Variants in ICAM1 observed in about 807,000 individuals in gnomAD.
The protein encoded by ICAM1 is intercellular adhesion molecule 1, also known as ICAM-1.
A neutral mutation model predicts 42.3 loss-of-function variants in ICAM1; 28 were observed. That is an observed-to-expected ratio of 0.66 (90% confidence interval 0.49 to 0.91). The LOEUF (loss-of-function observed/expected upper bound fraction) is 0.91, where lower values mean the gene tolerates loss of function less well. Among genes scored for constraint, ICAM1 ranks in the 40% least tolerant of loss-of-function variants. The pLI, the probability that ICAM1 is intolerant of heterozygous loss-of-function variation, is 0.00. For missense variants in ICAM1, 637 were observed against 688.6 expected (o/e 0.93, Z 0.84); for synonymous variants, 304 against 305.9 (o/e 0.99, Z 0.07).
At chr19:10,282,114 C>G (rs5030398) in intron 2 of ICAM1, 7,424 of 150,530 alleles carry the variant, frequency 0.049, 230 homozygotes, top group African/African-American at 0.079. Flanking sequence ...CTTTCCCAGG[C>G]TAAAGTACAG....
At chr19:10,282,697 T>G (rs185380354) in intron 2 of ICAM1, among the ~76,000 whole-genome samples, 2,118 of 145,966 alleles carry the variant, frequency 0.015, 39 homozygotes, top group East Asian at 0.098. Flanking sequence ...CAGGTTTTTT[T>G]TTTTGTTTTG....
In ICAM1 at chr19:10,273,970, C is replaced by T. The variant is rs5030349; in HGVS notation, c.68-795C>T. Among the ~76,000 whole-genome samples the T allele has an allele frequency of 7.2e-3, 1,097 of 151,612 alleles. 8 individuals are homozygous for T. Among genetic ancestry groups the T allele is most frequent in the African/African-American group, 0.013 (528 of 41,308 alleles). ...CAAAGGTTGCAGTGAGCTGAGATTG[C>T]GCCACTGCACTCCAGTCTGAGTGAC... On this transcript the variant is annotated intron_variant, in intron 1 of 6. Coordinates refer to ENST00000264832, the MANE Select transcript of ICAM1 (RefSeq NM_000201.3).
chr19:10,275,445 G>A (rs2040009411), intron 2 of ICAM1, among the ~76,000 whole-genome samples: 1 of 152,020 alleles, frequency 6.6e-6, no homozygotes, highest in African/African-American at 2.4e-5. Flanking sequence ...GCAGTGAGCC[G>A]CGATCGTGCC....
rs2040090578 is a variant in ICAM1 at position 10,284,821 on chromosome 19, T to C, written c.1219T>C (p.Trp407Arg). 7.5e-6 allele frequency: 12 copies of C among 1,598,632 alleles called. No individual in the cohort carries two copies. The highest frequency in any genetic ancestry group is 6.7e-5 in the East Asian group (3 of 44,850). Residue 407 changes from tryptophan (W) to arginine (R), a missense_variant, in exon 6 of 7, where the codon TGG becomes CGG. By Grantham distance (101) the Trp-to-Arg change is moderately radical. Coordinates refer to ENST00000264832, the MANE Select transcript of ICAM1 (RefSeq NM_000201.3). The surrounding 1 kb of genome is among the most constrained non-coding windows in gnomAD (Gnocchi z 5.4). Reference protein sequence around the residue: ...RLDERDCPGNWTWPENSQQTP... With the variant: ...RLDERDCPGNRTWPENSQQTP... Reference sequence around the variant, plus strand: ...GGACGAGAGGGATTGTCCGGGAAACTGGACGTGGCCAGAAAATTCCCAGCA... The same window carrying C: ...GGACGAGAGGGATTGTCCGGGAAACCGGACGTGGCCAGAAAATTCCCAGCA...
At chr19:10,281,691 A>C (rs1277174438) in intron 2 of ICAM1, among the ~76,000 whole-genome samples, 2 of 149,326 alleles carry the variant, frequency 1.3e-5, no homozygotes, top group Admixed American at 1.3e-4. Context: ...AAGGCTGGGT[A>C]TCAAATGCAG....
In ICAM1 at chr19:10,284,307, A is replaced by G. The variant is rs141801732; in HGVS notation, c.912A>G (p.Thr304=). 3 of 1,613,502 alleles carry G rather than the reference A, an allele frequency of 1.9e-6. No homozygotes were observed. Among genetic ancestry groups the G allele is most frequent in the African/African-American group, 2.7e-5 (2 of 74,930 alleles). Residue 304 remains threonine (T), a synonymous_variant, in exon 4 of 7, where the codon ACA becomes ACG. Coordinates refer to ENST00000264832, the MANE Select transcript of ICAM1 (RefSeq NM_000201.3). This position sits in a 1 kb window ranked among gnomAD's most constrained non-coding sequence, Gnocchi z 5.4. ...LGNQSQETLQ[T]VTIYSFPAPN... is the part of the protein sequence containing the mutation. The stretch of plus-strand genomic sequence containing the variant: ...ACCAGAGCCAGGAGACACTGCAGAC[A>G]GTGACCATCTACAGTAAGAAGGGGC...
chr19:10,283,666 G>A lies in ICAM1; in HGVS notation c.517G>A (p.Val173Met), dbSNP rs924525389. ...VGEPAEVTTT[V>M]LVRRDHHGAN... is the part of the protein sequence containing the mutation. ...GGAGCCCGCTGAGGTCACGACCACG[G>A]TGCTGGTGAGGAGAGATCACCATGG... The change falls in exon 3 of 7, where the codon GTG becomes ATG. Residue 173 changes from valine (V) to methionine (M), a missense_variant. Physicochemically the swap from Val to Met is conservative, Grantham distance 21 (BLOSUM62 1). Coordinates refer to ENST00000264832, the MANE Select transcript of ICAM1 (RefSeq NM_000201.3). 10 of 1,613,996 alleles carry A rather than the reference G, an allele frequency of 6.2e-6. No individual in the cohort carries two copies. Among genetic ancestry groups the A allele is most frequent in the Admixed American group, 3.3e-5 (2 of 59,992 alleles).
In ICAM1 at chr19:10,284,253, G is replaced by T. The variant is rs756098611; in HGVS notation, c.858G>T (p.Gln286His). The T allele has an allele frequency of 1.2e-6, 2 of 1,613,994 alleles. No individual in the cohort carries two copies. Among genetic ancestry groups the T allele is most frequent in the Admixed American group, 3.3e-5 (2 of 60,026 alleles). The change falls in exon 4 of 7, where the codon CAG becomes CAT. Residue 286 changes from glutamine to histidine, a missense_variant. Transcript: ENST00000264832. This position sits in a 1 kb window ranked among gnomAD's most constrained non-coding sequence, Gnocchi z 5.4. ...TGACCGCAGAGGACGAGGGCACCCA[G>T]CGGCTGACGTGTGCAGTAATACTGG... ...VSVTAEDEGT[Q>H]RLTCAVILGN...
chr19:10,280,161 G>C (rs1326930355), intron 2 of ICAM1, among the ~76,000 whole-genome samples: 1 of 152,160 alleles, frequency 6.6e-6, no homozygotes, highest in Non-Finnish European at 1.5e-5. Context: ...TGCAGGTCAG[G>C]GTCAAGAAGA....
intron 1 of ICAM1, among the ~76,000 whole-genome samples, chr19:10,271,498 C>T (rs2039980407): frequency 6.6e-6 from 1 of 152,106 alleles, no homozygotes; most frequent in South Asian, 2.1e-4. Flanking sequence ...CGGTCTTGAA[C>T]TCCGGGGGTC....
intron 2 of ICAM1, among the ~76,000 whole-genome samples, chr19:10,281,496 A>G (rs983829315): frequency 6.6e-6 from 1 of 152,076 alleles, no homozygotes; most frequent in Non-Finnish European, 1.5e-5. Context: ...TGACTTCTGT[A>G]CAAACAACCA....
chr19:10,284,816 G>C lies in ICAM1; in HGVS notation c.1214G>C (p.Gly405Ala), dbSNP rs757120819. Residue 405 changes from glycine to alanine, a missense_variant, in exon 6 of 7, where the codon GGA (glycine) becomes GCA (alanine). By Grantham distance (60) the Gly-to-Ala change is moderately conservative. Coordinates refer to ENST00000264832, the MANE Select transcript of ICAM1 (RefSeq NM_000201.3). This position sits in a 1 kb window ranked among gnomAD's most constrained non-coding sequence, Gnocchi z 5.4. Reference protein sequence around the residue: ...GPRLDERDCPGNWTWPENSQQ... With the variant: ...GPRLDERDCPANWTWPENSQQ... ...CGACTGGACGAGAGGGATTGTCCGG[G>C]AAACTGGACGTGGCCAGAAAATTCC... 2 of 1,600,662 alleles carry C rather than the reference G, an allele frequency of 1.2e-6. No homozygotes were observed. Among genetic ancestry groups the C allele is most frequent in the East Asian group, 4.5e-5 (2 of 44,852 alleles).
At chr19:10,278,346 A>G (rs1448160020) in intron 2 of ICAM1, among the ~76,000 whole-genome samples, 1 of 152,050 alleles carries the variant, frequency 6.6e-6, no homozygotes, top group Non-Finnish European at 1.5e-5. Context: ...GTGAGTGACA[A>G]AGGATGTTCT....
chr19:10,276,747 G>T (rs1256187635), intron 2 of ICAM1, among the ~76,000 whole-genome samples: 1 of 151,628 alleles, frequency 6.6e-6, no homozygotes, highest in African/African-American at 2.4e-5. Flanking sequence ...TGAGGGAGGC[G>T]GATCACTTGA....
chr19:10,282,683 C>T (rs1389924648), intron 2 of ICAM1, among the ~76,000 whole-genome samples: 1 of 146,032 alleles, frequency 6.8e-6, no homozygotes, highest in Non-Finnish European at 1.5e-5. Context: ...TCACACCTGG[C>T]CAACAGGTTT....
At chr19:10,282,600 T>G (rs1428043675) in intron 2 of ICAM1, among the ~76,000 whole-genome samples, 1 of 151,734 alleles carries the variant, frequency 6.6e-6, no homozygotes, top group East Asian at 1.9e-4. Context: ...TGCCCAGGCT[T>G]GTCTTGAACT....
Position 10,284,410 on chromosome 19 carries a change from G to A in ICAM1, c.933G>A (p.Pro311=), listed in dbSNP as rs146954887. 83 of 1,613,102 alleles carry A rather than the reference G, an allele frequency of 5.1e-5. No homozygotes were observed. Among genetic ancestry groups the A allele is most frequent in the South Asian group, 9.9e-5 (9 of 91,084 alleles). ...TLQTVTIYSF[P]APNVILTKPE... is the part of the protein sequence containing the mutation. Reference sequence around the variant, plus strand: ...ACTGTGTGCCTATTCCAGGCTTTCCGGCGCCCAACGTGATTCTGACGAAGC... The same window carrying A: ...ACTGTGTGCCTATTCCAGGCTTTCCAGCGCCCAACGTGATTCTGACGAAGC... The change falls in exon 5 of 7, where the codon CCG becomes CCA. Residue 311 remains proline, a synonymous_variant. Coordinates refer to ENST00000264832, the MANE Select transcript of ICAM1 (RefSeq NM_000201.3). This position sits in a 1 kb window ranked among gnomAD's most constrained non-coding sequence, Gnocchi z 5.4.
chr19:10,283,883 C>G (rs1407363360), intron 3 of ICAM1, 97 bp downstream of exon 3: 4 of 1,445,216 alleles, frequency 2.8e-6, no homozygotes, highest in Non-Finnish European at 3.7e-6. Context: ...GGTGTGGCCC[C>G]GGCTAAGGGG....
At position 10,286,357 on chromosome 19, in the gene ICAM1, C is replaced by CGTGTGTGT. The variant is rs74178250; in HGVS notation, c.*1079_*1086dup. ...CTCCCAGCTTTGGAAGCCTCATCCG[C>CGTGTGTGT]GTGTGTGTGTGTGTGTATGTGTAGA... is the stretch of plus-strand genomic sequence containing the variant. On this transcript the variant is annotated 3_prime_UTR_variant, in exon 7 of 7. Transcript: ENST00000264832. The CGTGTGTGT allele has an allele frequency of 6.6e-6, 1 of 151,226 alleles. No homozygotes were observed. The highest frequency in any genetic ancestry group is 1.5e-5 in the Non-Finnish European group (1 of 67,828). The allele number at this position is 151,226 out of a possible 1,614,324, so 9.4% of individuals were successfully genotyped here. A position where few individuals can be genotyped will look rare whatever the true frequency, so the allele number is the denominator to read the frequency against.
Sources: gnomAD v4.1 joint callset for allele counts (sites outside exome capture counted in the v4.1 genomes callset) on GRCh38, gnomAD v4.1.1 for gene constraint, Gnocchi (gnomAD v3.1) non-coding constraint, MANE v1.5 for transcripts, NCBI Gene and HGNC (gene_info 2026-07-23, HGNC 2026-07-21) for gene names.